ARRB1: variants seen among roughly 807,000 people sequenced by gnomAD.
The protein encoded by ARRB1 is arrestin beta 1, also known as beta-arrestin-1.
ARRB1 carries 21 observed loss-of-function variants against 56.8 expected under a neutral mutation model. That is an observed-to-expected ratio of 0.37 (90% CI 0.26 to 0.53). The LOEUF (loss-of-function observed/expected upper bound fraction) is 0.53. Ranked by LOEUF, ARRB1 falls within the 20% of genes least tolerant of loss-of-function variation. ARRB1 has a pLI of 0.88. For missense variants in ARRB1, 424 were observed against 553.7 expected (o/e 0.77, Z 2.35); for synonymous variants, 210 against 218.6 (o/e 0.96, Z 0.35).
At chr11:75,281,707 G>A (rs556770415) in intron 6 of ARRB1, 2 of 517,456 alleles carry the variant, frequency 3.9e-6, no homozygotes, top group African/African-American at 3.8e-5. Context: ...GAACACTTTG[G>A]TCCTGTTGCA....
At chr11:75,318,872 A>G (rs548392765) in intron 1 of ARRB1, among the ~76,000 whole-genome samples, 27 of 152,272 alleles carry the variant, frequency 1.8e-4, no homozygotes, top group Middle Eastern at 6.8e-3. Flanking sequence ...TCCTTCAAAC[A>G]ATAGTCAGGC....
At chr11:75,313,400 C>T (rs1408720570) in intron 1 of ARRB1, among the ~76,000 whole-genome samples, 1 of 152,114 alleles carries the variant, frequency 6.6e-6, no homozygotes, top group Non-Finnish European at 1.5e-5. Context: ...CTTCGGGAAT[C>T]TCTATGGGCT....
chr11:75,333,103 C>T (rs1461611967), intron 1 of ARRB1, among the ~76,000 whole-genome samples: 2 of 152,208 alleles, frequency 1.3e-5, no homozygotes, highest in African/African-American at 4.8e-5. Context: ...TCACAGGCCA[C>T]GGTCACTCAT....
intron 2 of ARRB1, among the ~76,000 whole-genome samples, chr11:75,289,263 A>T (rs965903899): frequency 3.3e-5 from 5 of 152,152 alleles, no homozygotes; most frequent in African/African-American, 1.2e-4. Context: ...GCTGCTTAAG[A>T]TTCCCACAGT....
intron 1 of ARRB1, among the ~76,000 whole-genome samples, chr11:75,334,572 C>T (rs78950312): frequency 1.3e-5 from 2 of 152,340 alleles, no homozygotes; most frequent in Non-Finnish European, 2.9e-5. Flanking sequence ...GCTCCCAGGA[C>T]AAGCCTGGGG....
At chr11:75,317,741 G>C (rs11236393) in intron 1 of ARRB1, among the ~76,000 whole-genome samples, 2 of 152,242 alleles carry the variant, frequency 1.3e-5, no homozygotes, top group East Asian at 3.9e-4. Context: ...TGTGCTAAGA[G>C]CTGTGCTTAG....
intron 3 of ARRB1, 66 bp downstream of exon 3, chr11:75,287,249 C>T: frequency 2.0e-6 from 3 of 1,504,560 alleles, no homozygotes; most frequent in Non-Finnish European, 2.7e-6. Flanking sequence ...GAGCTGAGAG[C>T]TATTTCTGGG....
At chr11:75,306,806 G>T in intron 1 of ARRB1, 1 of 569,018 alleles carries the variant, frequency 1.8e-6, no homozygotes, top group South Asian at 1.9e-5. Flanking sequence ...GGGCCATGGA[G>T]GGCGGATGTC....
chr11:75,267,723 GCA>G lies in ARRB1; in HGVS notation c.1094-22_1094-21del, dbSNP rs1219195387. ...CTGGAACTAAACACAGGGTGGGTGG[GCA>G]GGGTGTCCAGGGATTAGTGAGTGGA... On this transcript the variant is annotated intron_variant, in intron 14 of 15. Transcript: ENST00000420843. The G allele has an allele frequency of 4.0e-6, 4 of 1,006,466 alleles. No individual in the cohort carries two copies. Among genetic ancestry groups the G allele is most frequent in the Non-Finnish European group, 6.3e-6 (4 of 636,034 alleles). The allele number at this position is 1,006,466 out of a possible 1,614,324, so 62.3% of individuals were successfully genotyped here. A position where few individuals can be genotyped will look rare whatever the true frequency, so the allele number is the denominator to read the frequency against.
At chr11:75,277,546 CCAGACCTTGCG>C in intron 8 of ARRB1, 98 bp from the exon 9 acceptor site, 1 of 1,120,748 alleles carries the variant, frequency 8.9e-7, no homozygotes, top group Non-Finnish European at 1.3e-6. Flanking sequence ...CTGGGGTTCC[CCAGACCTTGCG>C]CAGACCTTCA....
chr11:75,275,248 G>T (rs1191091341), intron 10 of ARRB1, among the ~76,000 whole-genome samples: 1 of 151,600 alleles, frequency 6.6e-6, no homozygotes, highest in East Asian at 1.9e-4. Context: ...CCAGGTTGAA[G>T]CAGTTCTCCT....
intron 10 of ARRB1, among the ~76,000 whole-genome samples, chr11:75,275,094 A>G (rs954632594): frequency 7.1e-6 from 1 of 140,038 alleles, no homozygotes; most frequent in Admixed American, 7.2e-5. Flanking sequence ...AACAGAGTGA[A>G]ACTCTGTCTC....
chr11:75,338,646 T>C (rs372361193), intron 1 of ARRB1, among the ~76,000 whole-genome samples: 4 of 152,258 alleles, frequency 2.6e-5, no homozygotes, highest in South Asian at 2.1e-4. Context: ...ACATCAGAGG[T>C]GGCTGAATTG....
intron 1 of ARRB1, among the ~76,000 whole-genome samples, chr11:75,318,605 G>A (rs549661233): frequency 1.3e-5 from 2 of 152,082 alleles, no homozygotes; most frequent in Non-Finnish European, 2.9e-5. Context: ...CAGGAGAATT[G>A]CTTGAACCTG....
intron 1 of ARRB1, among the ~76,000 whole-genome samples, chr11:75,333,937 C>A (rs534557573): frequency 6.6e-6 from 1 of 152,318 alleles, no homozygotes; most frequent in East Asian, 1.9e-4. Flanking sequence ...TCGGCCTGCC[C>A]TGGCAGCTCC....
intron 1 of ARRB1, among the ~76,000 whole-genome samples, chr11:75,291,236 C>T (rs1488905241): frequency 2.0e-5 from 3 of 152,140 alleles, no homozygotes; most frequent in Non-Finnish European, 4.4e-5. Context: ...ACTTGGGAGG[C>T]TGAGGTAGAA....
intron 1 of ARRB1, among the ~76,000 whole-genome samples, chr11:75,350,528 G>A (rs532081726): frequency 6.6e-6 from 1 of 152,318 alleles, no homozygotes; most frequent in South Asian, 2.1e-4. Flanking sequence ...CCTGACCAGC[G>A]CTGGTCCTGT....
At chr11:75,317,499 T>C (rs1437073745) in intron 1 of ARRB1, among the ~76,000 whole-genome samples, 1 of 152,164 alleles carries the variant, frequency 6.6e-6, no homozygotes, top group Non-Finnish European at 1.5e-5. Context: ...TCCAAAGCCT[T>C]TAGTGAGCTG....
intron 1 of ARRB1, among the ~76,000 whole-genome samples, chr11:75,328,095 C>T (rs1236925731): frequency 6.6e-6 from 1 of 152,204 alleles, no homozygotes; most frequent in Admixed American, 6.5e-5. Flanking sequence ...TAGTCTCTCC[C>T]CATTCTTTCC....
Sources: allele counts gnomAD v4.1 joint callset (sites outside exome capture counted in the v4.1 genomes callset), GRCh38; gene constraint gnomAD v4.1.1; transcripts MANE v1.5; gene names NCBI Gene and HGNC (gene_info 2026-07-23, HGNC 2026-07-21).